TMED6: variants seen among roughly 807,000 people sequenced by gnomAD.
TMED6 encodes transmembrane p24 trafficking protein 6.
In TMED6, 17 loss-of-function variants were observed where a neutral mutation model predicts 26.5. The observed-to-expected ratio is 0.64, with a 90% CI of 0.44 to 0.96. The LOEUF (loss-of-function observed/expected upper bound fraction) is 0.96, where lower values mean the gene tolerates loss of function less well. TMED6 is among the 40% of genes least tolerant of loss of function. The pLI is 0.00. For missense variants in TMED6, 309 were observed against 296.5 expected (o/e 1.04, Z -0.31); for synonymous variants, 107 against 106.2 (o/e 1.01, Z -0.04).
intron 2 of TMED6, 137 bp downstream of exon 2, chr16:69,349,388 T>C: frequency 1.8e-6 from 2 of 1,101,374 alleles, no homozygotes. Context: ...GTCAGCAGCC[T>C]CCAGGAACAC....
intron 3 of TMED6, among the ~76,000 whole-genome samples, chr16:69,343,907 CA>C (rs1197316916): frequency 1.3e-5 from 2 of 152,176 alleles, no homozygotes; most frequent in African/African-American, 4.8e-5. Context: ...CAGCTCACTG[CA>C]GCCTCAACCT....
At chr16:69,343,987 C>T (rs1329267202) in intron 3 of TMED6, among the ~76,000 whole-genome samples, 1 of 152,012 alleles carries the variant, frequency 6.6e-6, no homozygotes, top group Non-Finnish European at 1.5e-5. Context: ...TGCCACTACA[C>T]CCAGCTAATT....
intron 2 of TMED6, 176 bp from the exon 3 acceptor site, chr16:69,348,112 C>G: frequency 1.7e-6 from 1 of 603,630 alleles, no homozygotes; most frequent in Non-Finnish European, 2.7e-6. Flanking sequence ...TAAACTTATA[C>G]TAAATATTAC....
At chr16:69,349,354 G>A (rs1197616172) in intron 2 of TMED6, among the ~76,000 whole-genome samples, 171 bp downstream of exon 2, 2 of 152,328 alleles carry the variant, frequency 1.3e-5, no homozygotes, top group Middle Eastern at 3.4e-3. Context: ...ATCGTCAGTA[G>A]ACTGCCACTT....
At chr16:69,349,400 G>A in intron 2 of TMED6, 125 bp downstream of exon 2, 1 of 1,211,742 alleles carries the variant, frequency 8.3e-7, no homozygotes, top group Non-Finnish European at 1.1e-6. Flanking sequence ...CAGGAACACT[G>A]GTTTTTGGTG....
chr16:69,349,757 C>T lies in TMED6; in HGVS notation c.214-106G>A, dbSNP rs987906465. ...CGGTCATCAGCACAGCGGTCTCTGT[C>T]TGGGGTGGGACTGCCCAACCCCCTG... On this transcript the variant is annotated intron_variant, in intron 1 of 3. Coordinates refer to ENST00000288025, the MANE Select transcript of TMED6 (RefSeq NM_144676.4). 16 of 1,462,520 alleles carry T rather than the reference C, an allele frequency of 1.1e-5. No homozygotes were observed. The South Asian group carries it at 2.0e-4, about 19-fold the overall frequency. The allele number at this position is 1,462,520 out of a possible 1,614,324, so 90.6% of individuals were successfully genotyped here. A position where few individuals can be genotyped will look rare whatever the true frequency, so the allele number is the denominator to read the frequency against.
chr16:69,347,833 T>C lies in TMED6; in HGVS notation c.444A>G (p.Lys148=). 4 of 1,614,188 alleles carry C rather than the reference T, an allele frequency of 2.5e-6. No homozygotes were observed. In the Admixed American group the frequency reaches 6.7e-5, roughly 27 times the overall value. Residue 148 remains lysine, a synonymous_variant, in exon 3 of 4, where the codon AAA becomes AAG. Coordinates refer to ENST00000288025, the MANE Select transcript of TMED6 (RefSeq NM_144676.4). ...CATTCAGTTGTTTTCTTTCCTTCTG[T>C]TTGTGATCAGTCTCAGGCCCCTCAT... ...VFYEGPETDH[K]QKERKQLNDT...
At chr16:69,348,068 C>A in intron 2 of TMED6, 132 bp from the exon 3 acceptor site, 1 of 967,008 alleles carries the variant, frequency 1.0e-6, no homozygotes, top group Non-Finnish European at 1.5e-6. Flanking sequence ...GTACAAAGAT[C>A]CCGTTTTTGA....
At chr16:69,350,463 C>G (rs1327456685) in intron 1 of TMED6, among the ~76,000 whole-genome samples, 2 of 151,870 alleles carry the variant, frequency 1.3e-5, no homozygotes, top group Non-Finnish European at 2.9e-5. Flanking sequence ...CCAAGCCCGG[C>G]TAATTTTTGT....
Position 69,343,316 on chromosome 16 carries a change from A to G in TMED6, c.*91T>C. 8.7e-7 allele frequency: 1 copy of G among 1,151,768 alleles called. No homozygotes were observed. The highest frequency in any genetic ancestry group is 1.2e-6 in the Non-Finnish European group (1 of 815,666). 71.3% of individuals were successfully genotyped at this position (1,151,768 alleles called of 1,614,324 possible). ...ATGTGTGCAGCAGACTAAAACATTA[A>G]TGAGATAATTGATTTTTGTCCCATA... On this transcript the variant is annotated 3_prime_UTR_variant, in exon 4 of 4. Transcript: ENST00000288025.
rs184464682 is a variant in TMED6 at position 69,349,726 on chromosome 16, G to A, written c.214-75C>T. 30 of 1,556,674 alleles carry A rather than the reference G, an allele frequency of 1.9e-5. No homozygotes were observed. In the Admixed American group the frequency reaches 2.8e-4, roughly 14 times the overall value. On this transcript the variant is annotated intron_variant, in intron 1 of 3. Coordinates refer to ENST00000288025, the MANE Select transcript of TMED6 (RefSeq NM_144676.4). Reference sequence around the variant, plus strand: ...AAGCCAGCTGAGTGGTAAGATTGACGTCCCACGGTCATCAGCACAGCGGTC... The same window carrying A: ...AAGCCAGCTGAGTGGTAAGATTGACATCCCACGGTCATCAGCACAGCGGTC...
chr16:69,343,467 A>G lies in TMED6; in HGVS notation c.663T>C (p.Tyr221=), dbSNP rs200919056. The G allele has an allele frequency of 4.6e-5, 75 of 1,614,196 alleles. No individual in the cohort carries two copies. The highest frequency in any genetic ancestry group is 6.1e-5 in the Non-Finnish European group (72 of 1,180,048). The change falls in exon 4 of 4, where the codon TAT becomes TAC. Residue 221 remains tyrosine, a synonymous_variant. Coordinates refer to ENST00000288025, the MANE Select transcript of TMED6 (RefSeq NM_144676.4). ...VIILSGILQL[Y]FLKRLFNVPT... Reference sequence around the variant, plus strand: ...GAACATTGAAGAGACGCTTCAAGAAATACAGTTGCAGGATCCCAGAAAGAA... The same window carrying G: ...GAACATTGAAGAGACGCTTCAAGAAGTACAGTTGCAGGATCCCAGAAAGAA...
chr16:69,347,639 C>T (rs1268683524), intron 3 of TMED6, 149 bp downstream of exon 3: 43 of 1,147,914 alleles, frequency 3.7e-5, no homozygotes, highest in Non-Finnish European at 5.1e-5. Context: ...GGATTACAGG[C>T]GTGAGCCACC....
chr16:69,351,150 A>T (rs2012769499), intron 1 of TMED6, among the ~76,000 whole-genome samples: 1 of 152,144 alleles, frequency 6.6e-6, no homozygotes, highest in South Asian at 2.1e-4. Flanking sequence ...CCCACCCCAT[A>T]AGCTGAAGCA....
Position 69,349,529 on chromosome 16 carries a change from CTCTTGG to C in TMED6, c.330_335del (p.Gln111_Glu112del). The C allele has an allele frequency of 1.2e-6, 2 of 1,613,624 alleles. No homozygotes were observed. Among genetic ancestry groups the C allele is most frequent in the Non-Finnish European group, 1.7e-6 (2 of 1,179,734 alleles). On this transcript the variant is annotated inframe_deletion, in exon 2 of 4. Coordinates refer to ENST00000288025, the MANE Select transcript of TMED6 (RefSeq NM_144676.4). ...GCCATGGTAATGAAAACAGACCTGT[CTCTTGG>C]GTAGAGAAGTTAATCTGGCCCCGAA...
intron 3 of TMED6, 37 bp from the exon 4 acceptor site, chr16:69,343,677 AC>A (rs1567436407): frequency 1.3e-6 from 2 of 1,566,830 alleles, no homozygotes; most frequent in East Asian, 2.3e-5. Flanking sequence ...ATTCTTCCAA[AC>A]CCCCATCTAG....
chr16:69,347,292 A>C (rs2012701373), intron 3 of TMED6, among the ~76,000 whole-genome samples: 1 of 152,226 alleles, frequency 6.6e-6, no homozygotes, highest in South Asian at 2.1e-4. Context: ...AATGGGCCAG[A>C]TTTGGCCTGT....
Position 69,343,436 on chromosome 16 carries a change from T to C in TMED6, c.694A>G (p.Thr232Ala), listed in dbSNP as rs1336680724. The C allele has an allele frequency of 6.2e-7, 1 of 1,614,216 alleles. No individual in the cohort carries two copies. Among genetic ancestry groups the C allele is most frequent in the Admixed American group, 1.7e-5 (1 of 60,020 alleles). The change falls in exon 4 of 4, where the codon ACT becomes GCT. Residue 232 changes from threonine (T) to alanine (A), a missense_variant. Physicochemically the swap from Thr to Ala is moderately conservative, Grantham distance 58. Coordinates refer to ENST00000288025, the MANE Select transcript of TMED6 (RefSeq NM_144676.4). Reference sequence around the variant, plus strand: ...CATCTTGGCTTCTTTGTATCTGTAGTTGTTGGAACATTGAAGAGACGCTTC... The same window carrying C: ...CATCTTGGCTTCTTTGTATCTGTAGCTGTTGGAACATTGAAGAGACGCTTC... The part of the protein sequence containing the change: ...FLKRLFNVPT[T>A]TDTKKPRC
In TMED6 at chr16:69,347,918, A is replaced by C; in HGVS notation, c.359T>G (p.Leu120Arg). The C allele has an allele frequency of 6.2e-7, 1 of 1,614,106 alleles. No individual in the cohort carries two copies. Among genetic ancestry groups the C allele is most frequent in the Non-Finnish European group, 8.5e-7 (1 of 1,179,994 alleles). The change falls in exon 3 of 4, where the codon CTA becomes CGA. Residue 120 changes from leucine to arginine, a missense_variant. Leu to Arg is a moderately radical substitution (Grantham distance 102). Transcript: ENST00000288025. ...TQETGFYQLCLSNQHNHFGSV... is the reference protein window; with the variant it reads ...TQETGFYQLCRSNQHNHFGSV... ...ACCGAAGTGATTATGCTGATTACTT[A>C]GACAAAGCTGATAAAAACCTGTAGG...
Sources: gnomAD v4.1 joint callset for allele counts (sites outside exome capture counted in the v4.1 genomes callset) on GRCh38, gnomAD v4.1.1 for gene constraint, MANE v1.5 for transcripts, NCBI Gene and HGNC (gene_info 2026-07-23, HGNC 2026-07-21) for gene names.